CDC42BPB: variants seen among roughly 807,000 people sequenced by gnomAD.
CDC42BPB encodes serine/threonine-protein kinase MRCK beta.
CDC42BPB carries 37 observed loss-of-function variants against 214.9 expected under a neutral mutation model. The observed-to-expected ratio is 0.17, with a 90% CI of 0.13 to 0.23. The LOEUF (loss-of-function observed/expected upper bound fraction) is 0.23. Among genes scored for constraint, CDC42BPB ranks in the 10% least tolerant of loss-of-function variants. CDC42BPB has a pLI of 1.00. For missense variants in CDC42BPB, 1,694 were observed against 2,227.0 expected, an observed-to-expected ratio of 0.76 and a Z score of 4.82; for synonymous variants, 931 against 884.0, an observed-to-expected ratio of 1.05 and a Z score of -0.94.
intron 21 of CDC42BPB, among the ~76,000 whole-genome samples, chr14:102,955,862 AAC>A (rs1160188216): frequency 1.3e-5 from 2 of 152,220 alleles, no homozygotes; most frequent in Non-Finnish European, 2.9e-5. Flanking sequence ...AAATCAGATA[AAC>A]ACTTTCCAAC....
At chr14:102,954,423 G>A (rs1201099208) in intron 22 of CDC42BPB, 148 bp from the exon 23 acceptor site, 2 of 1,441,594 alleles carry the variant, frequency 1.4e-6, no homozygotes, top group Non-Finnish European at 1.8e-6. Flanking sequence ...ATCTGCGGAA[G>A]CCTCCCTCAT....
intron 3 of CDC42BPB, among the ~76,000 whole-genome samples, chr14:103,007,680 C>T (rs1292068755): frequency 2.0e-5 from 3 of 152,210 alleles, no homozygotes; most frequent in Non-Finnish European, 4.4e-5. Context: ...CACGGGGCCA[C>T]AGCAAACCAT....
rs143404576 is a variant in CDC42BPB at position 102,997,847 on chromosome 14, A to C, written c.596+1718T>G. On this transcript the variant is annotated intron_variant, in intron 5 of 36. Transcript: ENST00000361246. ...TGAAAGGATGGATTTTAACCATTCT[A>C]ATCAGGATGACGTGGAGCCGGGCGC... Among the ~76,000 whole-genome samples, 3 of 152,368 alleles carry C rather than the reference A, an allele frequency of 2.0e-5. No homozygotes were observed. In the East Asian group the frequency reaches 5.8e-4, roughly 29 times the overall value.
At chr14:102,968,407 T>C in intron 15 of CDC42BPB, 49 bp from the exon 16 acceptor site, 1 of 1,611,910 alleles carries the variant, frequency 6.2e-7, no homozygotes, top group Non-Finnish European at 8.5e-7. Context: ...ACTTCACTGA[T>C]ATTCGTATCT....
intron 6 of CDC42BPB, among the ~76,000 whole-genome samples, chr14:102,984,291 G>A (rs1021257403): frequency 2.0e-5 from 3 of 152,152 alleles, no homozygotes; most frequent in South Asian, 2.1e-4. Context: ...TTCATGTGCA[G>A]CACGCAGGGA....
intron 21 of CDC42BPB, among the ~76,000 whole-genome samples, chr14:102,958,165 A>C (rs1892794184): frequency 6.6e-6 from 1 of 152,238 alleles, no homozygotes; most frequent in Non-Finnish European, 1.5e-5. Context: ...TGGGACGACA[A>C]GGGACACATG....
intron 1 of CDC42BPB, among the ~76,000 whole-genome samples, chr14:103,032,535 CAAAAAAA>C (rs570009408): frequency 1.1e-4 from 5 of 45,044 alleles, no homozygotes; most frequent in African/African-American, 2.6e-4. Context: ...AAATAAACTG[CAAAAAAA>C]AAAAAAAAAA....
At chr14:103,007,592 G>A (rs181311337) in intron 3 of CDC42BPB, among the ~76,000 whole-genome samples, 47 of 152,328 alleles carry the variant, frequency 3.1e-4, no homozygotes, top group Non-Finnish European at 5.7e-4. Context: ...AGAAGCAAGC[G>A]CTGACCGCAG....
chr14:103,041,552 G>T, intron 1 of CDC42BPB: 2 of 1,338,992 alleles, frequency 1.5e-6, no homozygotes, highest in Non-Finnish European at 2.1e-6. Flanking sequence ...CAACCAGCCG[G>T]CCCGAAGATC....
intron 4 of CDC42BPB, 101 bp downstream of exon 4, chr14:103,003,827 T>G: frequency 4.5e-6 from 4 of 896,464 alleles, no homozygotes; most frequent in Non-Finnish European, 6.8e-6. Context: ...ACACATTTTT[T>G]AAATGTCAGT....
intron 5 of CDC42BPB, among the ~76,000 whole-genome samples, chr14:102,994,047 C>G (rs1057478140): frequency 1.3e-5 from 2 of 152,132 alleles, no homozygotes; most frequent in African/African-American, 2.4e-5. Flanking sequence ...TCCCAAGTGG[C>G]CTGAGACAGG....
chr14:103,052,925 A>G (rs1194381622), intron 1 of CDC42BPB, among the ~76,000 whole-genome samples: 1 of 152,268 alleles, frequency 6.6e-6, no homozygotes, highest in Non-Finnish European at 1.5e-5. Flanking sequence ...TGTATATGAC[A>G]AAGATGAAAG....
At chr14:102,999,528 A>G (rs1476839660) in intron 5 of CDC42BPB, 37 bp downstream of exon 5, 3 of 1,607,416 alleles carry the variant, frequency 1.9e-6, no homozygotes, top group South Asian at 2.2e-5. Context: ...TTAACAATTA[A>G]ACGTGGTTTC....
chr14:103,051,823 C>A (rs1272669748), intron 1 of CDC42BPB, among the ~76,000 whole-genome samples: 2 of 152,006 alleles, frequency 1.3e-5, no homozygotes, highest in Non-Finnish European at 2.9e-5. Flanking sequence ...ACTGTGAAGC[C>A]CAACTGTCAT....
At chr14:102,961,565 CTT>C (rs550462769) in intron 20 of CDC42BPB, among the ~76,000 whole-genome samples, 198 of 151,250 alleles carry the variant, frequency 1.3e-3, no homozygotes, top group African/African-American at 4.6e-3. Context: ...GCGTTTTGCT[CTT>C]GTTGCCCAAG....
chr14:103,008,354 C>G (rs551294398), intron 3 of CDC42BPB, 118 bp downstream of exon 3: 12 of 713,900 alleles, frequency 1.7e-5, no homozygotes, highest in Non-Finnish European at 2.8e-5. Context: ...TCGCTCTGTC[C>G]GGGGGGCAGG....
At chr14:103,035,207 G>A (rs1194334480) in intron 1 of CDC42BPB, among the ~76,000 whole-genome samples, 2 of 151,972 alleles carry the variant, frequency 1.3e-5, no homozygotes, top group Non-Finnish European at 2.9e-5. Flanking sequence ...ACAGGCATGT[G>A]CCACCATGCC....
chr14:102,941,208 G>A (rs1264798199), intron 30 of CDC42BPB: 5 of 985,344 alleles, frequency 5.1e-6, no homozygotes, highest in Non-Finnish European at 4.8e-6. Context: ...CAGAAACGCA[G>A]AGCTGGGAGG....
chr14:103,032,995 A>AT (rs1281886702), intron 1 of CDC42BPB, among the ~76,000 whole-genome samples: 2 of 151,638 alleles, frequency 1.3e-5, no homozygotes, highest in African/African-American at 2.4e-5. Flanking sequence ...AATTACTGTT[A>AT]TTTTTTAATG....
Sources: allele counts gnomAD v4.1 joint callset (sites outside exome capture counted in the v4.1 genomes callset), GRCh38; gene constraint gnomAD v4.1.1; transcripts MANE v1.5; gene names NCBI Gene and HGNC (gene_info 2026-07-23, HGNC 2026-07-21).